KISS1: variants seen among roughly 807,000 people sequenced by gnomAD.
KISS1 encodes KiSS-1 metastasis suppressor, also known as metastasis-suppressor KiSS-1.
For synonymous variants in KISS1, 97 were observed against 88.7 expected, an observed-to-expected ratio of 1.09 and a Z score of -0.52; for missense variants, 182 against 182.7, an observed-to-expected ratio of 1.00 and a Z score of 0.02.
chr1:204,190,851 C>A, intron 2 of KISS1, 54 bp from the exon 3 acceptor site: 1 of 1,436,628 alleles, frequency 7.0e-7, no homozygotes, highest in Non-Finnish European at 9.7e-7. Context: ...GATGGCTTTG[C>A]AACACCTCCT....
Position 204,192,604 on chromosome 1 carries a change from A to C in KISS1, c.103+170T>G, listed in dbSNP as rs1450652887. Among the ~76,000 whole-genome samples, 1 of 152,196 alleles carries C rather than the reference A, an allele frequency of 6.6e-6. No homozygotes were observed. Among genetic ancestry groups the C allele is most frequent in the Non-Finnish European group, 1.5e-5 (1 of 68,026 alleles). On this transcript the variant is annotated intron_variant, in intron 2 of 2. Coordinates refer to ENST00000367194, the MANE Select transcript of KISS1 (RefSeq NM_002256.4). This position sits in a 1 kb window ranked among gnomAD's most constrained non-coding sequence, Gnocchi z 4.2. ...CCATCACAGAGGCAAGGCATCCGTC[A>C]CTTGCAGGGTTAACAGGACCCCCTC...
rs77586701 is a variant in KISS1 at position 204,191,778 on chromosome 1, G to A, written c.104-981C>T. Among the ~76,000 whole-genome samples the A allele has an allele frequency of 8.2e-3, 1,243 of 152,328 alleles. 12 individuals are homozygous for A. Among genetic ancestry groups the A allele is most frequent in the African/African-American group, 0.028 (1,172 of 41,572 alleles). ...CAGCCCTTGCCCAGGGCCTGGCTGA[G>A]GTAGGAGGAGGATGGCTTCCTCCCC... On this transcript the variant is annotated intron_variant, in intron 2 of 2. Coordinates refer to ENST00000367194, the MANE Select transcript of KISS1 (RefSeq NM_002256.4).
At chr1:204,191,240 A>T (rs1358354504) in intron 2 of KISS1, among the ~76,000 whole-genome samples, 1 of 152,170 alleles carries the variant, frequency 6.6e-6, no homozygotes, top group Non-Finnish European at 1.5e-5. Flanking sequence ...CCTGTTAAAT[A>T]CATAAAAGCT....
Position 204,190,409 on chromosome 1 carries a change from T to TGG in KISS1, c.*74_*75insCC. The TGG allele has an allele frequency of 5.3e-6, 3 of 570,132 alleles. No individual in the cohort carries two copies. Among genetic ancestry groups the TGG allele is most frequent in the Non-Finnish European group, 6.2e-6 (2 of 320,582 alleles). The allele number at this position is 570,132 out of a possible 1,614,324, so 35.3% of individuals were successfully genotyped here. On this transcript the variant is annotated 3_prime_UTR_variant, in exon 3 of 3. Transcript: ENST00000367194. ...CAGCGCCCCCTCCCTTAGCCCTACG[T>TGG]CCCCGCCCCCCGCCCCCGCCCCGCA... is the stretch of plus-strand genomic sequence containing the variant.
At position 204,192,719 on chromosome 1, in the gene KISS1, C is replaced by A; in HGVS notation, c.103+55G>T. On this transcript the variant is annotated intron_variant, in intron 2 of 2. Coordinates refer to ENST00000367194, the MANE Select transcript of KISS1 (RefSeq NM_002256.4). This position sits in a 1 kb window ranked among gnomAD's most constrained non-coding sequence, Gnocchi z 4.2. ...ACTAGATGGAAAATACGGGAAAGCT[C>A]ATTTTGCAACAACCCACTTGCTCCC... 1.8e-6 allele frequency: 2 copies of A among 1,082,142 alleles called. No individual in the cohort carries two copies. Among genetic ancestry groups the A allele is most frequent in the South Asian group, 2.7e-5 (2 of 75,136 alleles). 67.0% of individuals were successfully genotyped at this position (1,082,142 alleles called of 1,614,324 possible).
At chr1:204,193,759 G>A (rs1658787866) in intron 1 of KISS1, among the ~76,000 whole-genome samples, 1 of 152,054 alleles carries the variant, frequency 6.6e-6, no homozygotes, top group Non-Finnish European at 1.5e-5. Context: ...CGTGTGCCCT[G>A]ATCCTCACAC....
chr1:204,192,402 TTTTC>T lies in KISS1; in HGVS notation c.103+368_103+371del, dbSNP rs1433111992. Among the ~76,000 whole-genome samples, 1 of 151,870 alleles carries T rather than the reference TTTTC, an allele frequency of 6.6e-6. No individual in the cohort carries two copies. The highest frequency in any genetic ancestry group is 2.4e-5 in the African/African-American group (1 of 41,284). ...TGCCCTTTGGTTTAGGTTTTTTTTT[TTTTC>T]CAAATTCTCCACAAAGAATCTGAGG... On this transcript the variant is annotated intron_variant, in intron 2 of 2. Coordinates refer to ENST00000367194, the MANE Select transcript of KISS1 (RefSeq NM_002256.4). The surrounding 1 kb of genome is among the most constrained non-coding windows in gnomAD (Gnocchi z 4.2).
intron 1 of KISS1, among the ~76,000 whole-genome samples, chr1:204,194,779 G>A (rs77353614): frequency 0.029 from 4,480 of 152,202 alleles, 84 homozygotes; most frequent in Non-Finnish European, 0.045. Flanking sequence ...TTCCCAGGAC[G>A]GTGCTAAGGC....
rs1210265366 is a variant in KISS1 at position 204,195,416 on chromosome 1, CCA to C, written c.-39+958_-39+959del. On this transcript the variant is annotated intron_variant, in intron 1 of 2. Coordinates refer to ENST00000367194, the MANE Select transcript of KISS1 (RefSeq NM_002256.4). ...CACACACACCACACACGCACACACACCACACACACATATACACACATACACCC... is the reference window on the plus strand; with the variant it reads ...CACACACACCACACACGCACACACACCACACACATATACACACATACACCC... 2.1e-3 allele frequency among the ~76,000 whole-genome samples: 282 copies of C among 136,046 alleles called. 1 individual carries two copies. Among genetic ancestry groups the C allele is most frequent in the African/African-American group, 7.1e-3 (259 of 36,704 alleles). The allele number at this position is 136,046 out of a possible 152,430, so 89.3% of individuals were successfully genotyped here. A position where few individuals can be genotyped will look rare whatever the true frequency, so the allele number is the denominator to read the frequency against.
Position 204,190,776 on chromosome 1 carries a change from C to T in KISS1, c.125G>A (p.Gly42Asp), listed in dbSNP as rs1433086944. 6.2e-7 allele frequency: 1 copy of T among 1,611,650 alleles called. No individual in the cohort carries two copies. The highest frequency in any genetic ancestry group is 8.5e-7 in the Non-Finnish European group (1 of 1,179,602). Residue 42 changes from glycine to aspartate, a missense_variant, in exon 3 of 3, where the codon GGC (glycine) becomes GAC (aspartate). By Grantham distance (94) the Gly-to-Asp change is moderately conservative (BLOSUM62 -1). Coordinates refer to ENST00000367194, the MANE Select transcript of KISS1 (RefSeq NM_002256.4). ...GCTCTGCTCCCCGGGGGCCAGGAGG[C>T]CCAGGGATTCTAGCTGCTGGCCTAG... ...RPTGQQLESL[G>D]LLAPGEQSLP...
At position 204,192,405 on chromosome 1, in the gene KISS1, T is replaced by C. The variant is rs543359783; in HGVS notation, c.103+369A>G. ...CCTTTGGTTTAGGTTTTTTTTTTTT[T>C]CCAAATTCTCCACAAAGAATCTGAG... On this transcript the variant is annotated intron_variant, in intron 2 of 2. Coordinates refer to ENST00000367194, the MANE Select transcript of KISS1 (RefSeq NM_002256.4). The surrounding 1 kb of genome is among the most constrained non-coding windows in gnomAD (Gnocchi z 4.2). Among the ~76,000 whole-genome samples the C allele has an allele frequency of 6.6e-6, 1 of 151,670 alleles. No homozygotes were observed. Among genetic ancestry groups the C allele is most frequent in the South Asian group, 2.1e-4 (1 of 4,812 alleles).
At chr1:204,190,921 C>T (rs1457048851) in intron 2 of KISS1, 124 bp from the exon 3 acceptor site, 14 of 771,740 alleles carry the variant, frequency 1.8e-5, no homozygotes, top group Non-Finnish European at 2.7e-5. Flanking sequence ...GAGCTCAGTG[C>T]CATGCGAACC....
intron 1 of KISS1, among the ~76,000 whole-genome samples, chr1:204,195,258 T>TGCACACCACACACATATACACA (rs1558254669): frequency 7.7e-5 from 2 of 26,048 alleles, no homozygotes; most frequent in African/African-American, 1.5e-4. Context: ...TACACACACA[T>TGCACACCACACACATATACACA]CATACACACA....
Position 204,190,413 on chromosome 1 carries a change from C to T in KISS1, c.*71G>A, listed in dbSNP as rs1658710575. The T allele has an allele frequency of 4.5e-5, 28 of 618,982 alleles. No homozygotes were observed. The highest frequency in any genetic ancestry group is 9.5e-5 in the South Asian group (6 of 63,328). The allele number at this position is 618,982 out of a possible 1,614,324, so 38.3% of individuals were successfully genotyped here. A position where few individuals can be genotyped will look rare whatever the true frequency, so the allele number is the denominator to read the frequency against. On this transcript the variant is annotated 3_prime_UTR_variant, in exon 3 of 3. Transcript: ENST00000367194. The stretch of plus-strand genomic sequence containing the variant: ...GCCCCCTCCCTTAGCCCTACGTCCC[C>T]GCCCCCCGCCCCCGCCCCGCATGCT...
chr1:204,190,689 AG>A lies in KISS1; in HGVS notation c.211del (p.Leu71CysfsTer76), dbSNP rs770388993. ...CCCGGAGCTCTCGGGGGGCGGGGAC[AG>A]CGAGGTCCCCCGACGGCTCAGCCTG... ...TARLSRRGTSLSPPPESSGSP... is the reference protein window; with the variant it reads ...TARLSRRGTSXSPPPESSGSP... On this transcript the variant is annotated frameshift_variant, in exon 3 of 3. Coordinates refer to ENST00000367194, the MANE Select transcript of KISS1 (RefSeq NM_002256.4). LOFTEE classifies it low-confidence loss of function (END_TRUNC). 2 of 1,596,078 alleles carry A rather than the reference AG, an allele frequency of 1.3e-6. No individual in the cohort carries two copies. Among genetic ancestry groups the A allele is most frequent in the Non-Finnish European group, 1.7e-6 (2 of 1,172,122 alleles).
chr1:204,190,548 C>T lies in KISS1; in HGVS notation c.353G>A (p.Gly118Asp). 1 of 1,608,906 alleles carries T rather than the reference C, an allele frequency of 6.2e-7. No individual in the cohort carries two copies. Among genetic ancestry groups the T allele is most frequent in the Non-Finnish European group, 8.5e-7 (1 of 1,178,348 alleles). The change falls in exon 3 of 3, where the codon GGC becomes GAC. Residue 118 changes from glycine (G) to aspartate (D), a missense_variant. By Grantham distance (94) the Gly-to-Asp change is moderately conservative (BLOSUM62 -1). Transcript: ENST00000367194. Reference sequence around the variant, plus strand: ...CGCCTCCCGCTTGCCGAAGCGCAGGCCGAAGGAGTTCCAGTTGTAGTTCGG... The same window carrying T: ...CGCCTCCCGCTTGCCGAAGCGCAGGTCGAAGGAGTTCCAGTTGTAGTTCGG... ...DLPNYNWNSF[G>D]LRFGKREAAP...
intron 1 of KISS1, among the ~76,000 whole-genome samples, chr1:204,194,005 G>C (rs1658793897): frequency 6.6e-6 from 1 of 152,174 alleles, no homozygotes; most frequent in African/African-American, 2.4e-5. Context: ...AAGGGGGACT[G>C]GGGGATGAGA....
rs150048133 is a variant in KISS1, at chr1:204,191,708, T to C, written c.104-911A>G. ...CCTGGCACAGTCTGGAAAAGAGGAG[T>C]GTGGACCTGGTCCAGAGTTAATGGC... On this transcript the variant is annotated intron_variant, in intron 2 of 2. Transcript: ENST00000367194. 3.9e-3 allele frequency among the ~76,000 whole-genome samples: 594 copies of C among 152,044 alleles called. 5 individuals are homozygous for C. The highest frequency in any genetic ancestry group is 0.012 in the African/African-American group (517 of 41,474).
rs1658729309 is a variant in KISS1 at position 204,190,772 on chromosome 1, G to A, written c.129C>T (p.Leu43=). Residue 43 remains leucine (L), a synonymous_variant, in exon 3 of 3, where the codon CTC becomes CTT. Coordinates refer to ENST00000367194, the MANE Select transcript of KISS1 (RefSeq NM_002256.4). ...GCAGGCTCTGCTCCCCGGGGGCCAGGAGGCCCAGGGATTCTAGCTGCTGGC... is the reference window on the plus strand; with the variant it reads ...GCAGGCTCTGCTCCCCGGGGGCCAGAAGGCCCAGGGATTCTAGCTGCTGGC... ...PTGQQLESLG[L]LAPGEQSLPC... is the part of the protein sequence containing the mutation. 1.2e-6 allele frequency: 2 copies of A among 1,611,672 alleles called. No homozygotes were observed. The highest frequency in any genetic ancestry group is 2.7e-5 in the African/African-American group (2 of 74,912).
Sources: allele counts gnomAD v4.1 joint callset (sites outside exome capture counted in the v4.1 genomes callset), GRCh38; gene constraint gnomAD v4.1.1; non-coding constraint Gnocchi (gnomAD v3.1); transcripts MANE v1.5; gene names NCBI Gene and HGNC (gene_info 2026-07-23, HGNC 2026-07-21).